DLGAP1: variants seen among roughly 807,000 people sequenced by gnomAD.
DLGAP1 encodes DLG associated protein 1.
In DLGAP1, 11 loss-of-function variants were observed where a neutral mutation model predicts 90.8. The observed-to-expected ratio is 0.12, with a 90% CI of 0.08 to 0.20. The LOEUF (loss-of-function observed/expected upper bound fraction) is 0.20. DLGAP1 is among the 10% of genes least tolerant of loss of function. The probability of loss-of-function intolerance (pLI) is 1.00; values close to 1 mark genes in which losing one functional copy is unlikely to be tolerated. For synonymous variants in DLGAP1, 558 were observed against 540.7 expected (o/e 1.03, Z -0.44); for missense variants, 1,050 against 1,333.8 (o/e 0.79, Z 3.31).
At chr18:4,297,148 G>GTTT (rs2080003050) in intron 1 of DLGAP1, among the ~76,000 whole-genome samples, 1 of 152,118 alleles carries the variant, frequency 6.6e-6, no homozygotes, top group African/African-American at 2.4e-5. Context: ...TTCAACAACA[G>GTTT]TATAAGGAAG....
chr18:4,285,424 G>T (rs1376608921), intron 1 of DLGAP1, among the ~76,000 whole-genome samples: 1 of 152,180 alleles, frequency 6.6e-6, no homozygotes, highest in African/African-American at 2.4e-5. Flanking sequence ...TTGTCAGAGT[G>T]CAAGGAAAAG....
intron 7 of DLGAP1, among the ~76,000 whole-genome samples, chr18:3,633,546 T>C (rs988710315): frequency 1.3e-5 from 2 of 152,172 alleles, no homozygotes; most frequent in Non-Finnish European, 2.9e-5. Flanking sequence ...TGTATATGTA[T>C]GTACAGTATA....
At chr18:3,809,049 GTTCCTGGGAGACAT>G (rs1446335344) in intron 5 of DLGAP1, among the ~76,000 whole-genome samples, 2 of 152,156 alleles carry the variant, frequency 1.3e-5, no homozygotes, top group African/African-American at 4.8e-5. Context: ...GTGCTGAAAG[GTTCCTGGGAGACAT>G]TTCCTGTAGA....
At chr18:3,813,319 G>A (rs1326661309) in intron 5 of DLGAP1, among the ~76,000 whole-genome samples, 1 of 152,078 alleles carries the variant, frequency 6.6e-6, no homozygotes, top group South Asian at 2.1e-4. Context: ...GTAATTTGCT[G>A]TATAGGTTTG....
chr18:3,620,809 C>T (rs903148151), intron 7 of DLGAP1, among the ~76,000 whole-genome samples: 3 of 152,168 alleles, frequency 2.0e-5, no homozygotes, highest in Non-Finnish European at 1.5e-5. Flanking sequence ...CCGCCCACCT[C>T]GGCCTCCCAA....
intron 2 of DLGAP1, among the ~76,000 whole-genome samples, chr18:4,091,479 T>C (rs2075772267): frequency 6.6e-6 from 1 of 152,206 alleles, no homozygotes; most frequent in African/African-American, 2.4e-5. Context: ...TTTCTCTTTA[T>C]ATTCTGTCTC....
intron 5 of DLGAP1, among the ~76,000 whole-genome samples, chr18:3,765,297 G>A (rs111954098): frequency 0.23 from 33,957 of 148,236 alleles, 4,628 homozygotes; most frequent in East Asian, 0.54. Context: ...CGCCTGGCTA[G>A]TTTTTTGTAT....
chr18:3,640,101 A>AT (rs895226699), intron 7 of DLGAP1, among the ~76,000 whole-genome samples: 4 of 151,894 alleles, frequency 2.6e-5, no homozygotes, highest in East Asian at 1.9e-4. Context: ...AGGGTACATT[A>AT]TTTTTTTTCC....
intron 1 of DLGAP1, among the ~76,000 whole-genome samples, chr18:4,347,480 C>A (rs625360): frequency 0.28 from 42,716 of 151,726 alleles, 6,732 homozygotes; most frequent in Middle Eastern, 0.35. Flanking sequence ...TATTATATAT[C>A]ATATTAAGAA....
Position 3,879,387 on chromosome 18 carries a change from G to T in DLGAP1, c.682C>A (p.Pro228Thr). The T allele has an allele frequency of 6.2e-7, 1 of 1,613,300 alleles. No homozygotes were observed. Among genetic ancestry groups the T allele is most frequent in the Non-Finnish European group, 8.5e-7 (1 of 1,179,952 alleles). ...AAGTACTGTGAGGCCGAGCGGTCGG[G>T]GCACCTGCCCATGGTCATCACGCCC... ...PSGVMTMGRC[P>T]DRSASQYFLE... The change falls in exon 4 of 13, where the codon CCC becomes ACC. Residue 228 changes from proline (P) to threonine (T), a missense_variant. By Grantham distance (38) the Pro-to-Thr change is conservative. This residue lies in a region of DLGAP1 where 485 missense variants were observed against 454.1 expected (regional missense o/e 1.07). Coordinates refer to ENST00000315677, the MANE Select transcript of DLGAP1 (RefSeq NM_004746.4). This position sits in a 1 kb window ranked among gnomAD's most constrained non-coding sequence, Gnocchi z 6.6.
chr18:3,689,464 A>G (rs2060818431), intron 7 of DLGAP1, among the ~76,000 whole-genome samples: 1 of 152,224 alleles, frequency 6.6e-6, no homozygotes, highest in Non-Finnish European at 1.5e-5. Context: ...CTAGCCTTGT[A>G]TGTATCAGAC....
At chr18:4,298,128 C>CA (rs1351568786) in intron 1 of DLGAP1, among the ~76,000 whole-genome samples, 1 of 152,104 alleles carries the variant, frequency 6.6e-6, no homozygotes, top group Non-Finnish European at 1.5e-5. Context: ...CCATGACCCT[C>CA]ACCTATACCA....
intron 3 of DLGAP1, among the ~76,000 whole-genome samples, chr18:3,916,911 T>G (rs1463928506): frequency 2.0e-5 from 3 of 152,332 alleles, no homozygotes; most frequent in South Asian, 2.1e-4. Context: ...TTTATGATGG[T>G]TTGGTGTAGG....
At chr18:3,574,698 G>A (rs988375539) in intron 8 of DLGAP1, among the ~76,000 whole-genome samples, 5 of 151,970 alleles carry the variant, frequency 3.3e-5, no homozygotes, top group Non-Finnish European at 4.4e-5. Context: ...AAGTCTTCAA[G>A]GCTTAAATGT....
chr18:3,963,883 G>A (rs929629594), intron 3 of DLGAP1, among the ~76,000 whole-genome samples: 1 of 152,136 alleles, frequency 6.6e-6, no homozygotes, highest in Admixed American at 6.5e-5. Context: ...GGAAGGTAAA[G>A]CCCTTAAGAA....
chr18:3,731,685 A>G (rs2062437176), intron 6 of DLGAP1, among the ~76,000 whole-genome samples: 1 of 151,856 alleles, frequency 6.6e-6, no homozygotes, highest in Middle Eastern at 3.2e-3. Context: ...CTGGGATTAC[A>G]GGTGTGAACT....
chr18:3,937,502 G>A (rs1038334155), intron 3 of DLGAP1, among the ~76,000 whole-genome samples: 3 of 152,164 alleles, frequency 2.0e-5, no homozygotes, highest in East Asian at 1.9e-4. Context: ...ACGTGACCCC[G>A]CCCTTGATAC....
chr18:3,621,267 G>T (rs1228332099), intron 7 of DLGAP1, among the ~76,000 whole-genome samples: 9 of 149,752 alleles, frequency 6.0e-5, no homozygotes, highest in Non-Finnish European at 1.0e-4. Flanking sequence ...CTACACAAGA[G>T]ATTCAATCCA....
intron 2 of DLGAP1, among the ~76,000 whole-genome samples, chr18:4,033,371 G>T (rs1452921224): frequency 2.0e-5 from 3 of 151,856 alleles, no homozygotes; most frequent in Non-Finnish European, 4.4e-5. Flanking sequence ...GTCAGTGGCT[G>T]CAGAGGATTC....
Sources: allele counts gnomAD v4.1 joint callset (sites outside exome capture counted in the v4.1 genomes callset), GRCh38; gene constraint gnomAD v4.1.1; regional missense constraint gnomAD v4.1.1; non-coding constraint Gnocchi (gnomAD v3.1); transcripts MANE v1.5; gene names NCBI Gene and HGNC (gene_info 2026-07-23, HGNC 2026-07-21).